Variants in APPL2 observed in about 807,000 individuals in gnomAD.
APPL2 encodes adaptor protein, phosphotyrosine interacting with PH domain and leucine zipper 2, also known as DCC-interacting protein 13-beta.
APPL2 carries 84 observed loss-of-function variants against 92.7 expected under a neutral mutation model. The ratio of observed to expected loss-of-function variants is 0.91; its 90% CI spans 0.76 to 1.09. The LOEUF (loss-of-function observed/expected upper bound fraction) is 1.09, where lower values mean the gene tolerates loss of function less well. APPL2 is among the 50% of genes least tolerant of loss of function. The pLI is 0.00. For missense variants in APPL2, 736 were observed against 824.5 expected (o/e 0.89, Z 1.31); for synonymous variants, 291 against 291.0 (o/e 1.00, Z 0.00).
At chr12:105,185,208 A>C (rs902511840) in intron 17 of APPL2, among the ~76,000 whole-genome samples, 1 of 152,146 alleles carries the variant, frequency 6.6e-6, no homozygotes, top group African/African-American at 2.4e-5. Flanking sequence ...TGGTGATGGG[A>C]TCCACTGAGC....
chr12:105,193,603 C>T (rs1887407533), intron 14 of APPL2, among the ~76,000 whole-genome samples: 1 of 152,224 alleles, frequency 6.6e-6, no homozygotes, highest in Non-Finnish European at 1.5e-5. Flanking sequence ...GTTCCACTTC[C>T]TTTCATATAG....
At chr12:105,197,178 C>CT (rs1302827539) in intron 11 of APPL2, among the ~76,000 whole-genome samples, 2 of 152,164 alleles carry the variant, frequency 1.3e-5, no homozygotes, top group Non-Finnish European at 2.9e-5. Flanking sequence ...AACCACCACT[C>CT]TGAGAGGGGA....
At chr12:105,195,124 C>T in intron 14 of APPL2, 137 bp downstream of exon 14, 2 of 819,008 alleles carry the variant, frequency 2.4e-6, no homozygotes, top group Non-Finnish European at 3.9e-6. Flanking sequence ...TTAACCTTTC[C>T]CAGCCATCGT....
At chr12:105,180,225 A>G (rs1406233583) in intron 17 of APPL2, among the ~76,000 whole-genome samples, 2 of 152,164 alleles carry the variant, frequency 1.3e-5, no homozygotes, top group African/African-American at 4.8e-5. Flanking sequence ...TCATTTATTA[A>G]ATAGGGAGTC....
rs1006762726 is a variant in APPL2 at position 105,197,499 on chromosome 12, CTG to C, written c.1052+264_1052+265del. 3.3e-5 allele frequency among the ~76,000 whole-genome samples: 5 copies of C among 152,232 alleles called. 1 individual carries two copies. The highest frequency in any genetic ancestry group is 1.2e-4 in the African/African-American group (5 of 41,452). Reference sequence around the variant, plus strand: ...ATGCTAACAAGCACGACTTCTGTTGCTGTCTCACACACGTAGGTCATCTCTTC... The same window carrying C: ...ATGCTAACAAGCACGACTTCTGTTGCTCTCACACACGTAGGTCATCTCTTC... On this transcript the variant is annotated intron_variant, in intron 11 of 20. Coordinates refer to ENST00000258530, the MANE Select transcript of APPL2 (RefSeq NM_018171.5).
chr12:105,187,389 C>G (rs1364317074), intron 17 of APPL2, among the ~76,000 whole-genome samples: 1 of 152,132 alleles, frequency 6.6e-6, no homozygotes, highest in East Asian at 1.9e-4. Context: ...GACATTTATT[C>G]CTCATGACAA....
In APPL2 at chr12:105,207,105, G is replaced by T. The variant is rs763671021; in HGVS notation, c.577C>A (p.Gln193Lys). ...ATCATGGGCTCCATCATGGCCATTT[G>T]CTTTCTGTACTGCAGCGCGTTGAGG... ...CALNALQYRK[Q>K]MAMMEPMIGF... The change falls in exon 8 of 21, where the codon CAA becomes AAA. Residue 193 changes from glutamine to lysine, a missense_variant. Transcript: ENST00000258530. 1.2e-6 allele frequency: 2 copies of T among 1,614,072 alleles called. No homozygotes were observed. The highest frequency in any genetic ancestry group is 2.7e-5 in the African/African-American group (2 of 74,940).
intron 17 of APPL2, among the ~76,000 whole-genome samples, chr12:105,178,651 A>C (rs1196861): frequency 0.88 from 134,035 of 152,224 alleles, 59,296 homozygotes; most frequent in East Asian, 1. Flanking sequence ...TACCCTGGCT[A>C]CTCACCTGAT....
In APPL2 at chr12:105,195,010, GAC is replaced by G. The variant is rs1295630104; in HGVS notation, c.1241+249_1241+250del. On this transcript the variant is annotated intron_variant, in intron 14 of 20. Coordinates refer to ENST00000258530, the MANE Select transcript of APPL2 (RefSeq NM_018171.5). ...CCTCCATGCACGTCCTGTTTGCTTG[GAC>G]TGCAGCAGCATGGTCCAGTGGAAAG... is the stretch of plus-strand genomic sequence containing the variant. Among the ~76,000 whole-genome samples, 754 of 152,272 alleles carry G rather than the reference GAC, an allele frequency of 5.0e-3. 3 individuals carry two copies. The highest frequency in any genetic ancestry group is 0.017 in the African/African-American group (696 of 41,536).
At chr12:105,177,865 A>G (rs886334967) in intron 17 of APPL2, among the ~76,000 whole-genome samples, 6 of 152,152 alleles carry the variant, frequency 3.9e-5, no homozygotes, top group Admixed American at 6.5e-5. Context: ...GTCTTGGCTC[A>G]CTGCAACCTC....
rs543081003 is a variant in APPL2 at position 105,174,987 on chromosome 12, G to A, written c.1861-539C>T. On this transcript the variant is annotated intron_variant, in intron 20 of 20. Coordinates refer to ENST00000258530, the MANE Select transcript of APPL2 (RefSeq NM_018171.5). ...CAACCTTCGCCTCCCCGGTTCAAAC[G>A]ATTCTTGTGCCTCAGTCTCCCGAGT... Among the ~76,000 whole-genome samples the A allele has an allele frequency of 5.9e-5, 9 of 151,384 alleles. No individual in the cohort carries two copies. In the South Asian group the frequency reaches 1.9e-3, roughly 32 times the overall value.
chr12:105,199,621 A>C (rs1592788416), intron 9 of APPL2, 90 bp from the exon 10 acceptor site: 2 of 1,424,396 alleles, frequency 1.4e-6, no homozygotes, highest in Admixed American at 4.2e-5. Flanking sequence ...CCACCCCCGC[A>C]AAGCTTCCGG....
At chr12:105,195,162 A>G (rs1887529554) in intron 14 of APPL2, 99 bp downstream of exon 14, 2 of 1,208,280 alleles carry the variant, frequency 1.7e-6, no homozygotes, top group Non-Finnish European at 2.4e-6. Context: ...AGGCTGAAAA[A>G]CATGCCTTGG....
At chr12:105,209,025 T>C (rs770717305) in intron 5 of APPL2, among the ~76,000 whole-genome samples, 6 of 152,230 alleles carry the variant, frequency 3.9e-5, no homozygotes, top group Non-Finnish European at 7.3e-5. Context: ...CATACTCTTT[T>C]GGTATCAGGC....
intron 17 of APPL2, among the ~76,000 whole-genome samples, chr12:105,186,656 CATATATATCAT>C (rs1566056284): frequency 2.1e-5 from 1 of 47,676 alleles, no homozygotes; most frequent in Non-Finnish European, 4.0e-5. Flanking sequence ...ATATCGATAT[CATATATATCAT>C]ATATATGATA....
At chr12:105,221,691 C>G (rs1890114551) in intron 2 of APPL2, among the ~76,000 whole-genome samples, 1 of 151,678 alleles carries the variant, frequency 6.6e-6, no homozygotes, top group Non-Finnish European at 1.5e-5. Flanking sequence ...CTGGGCCGCT[C>G]TGGCTGCCAT....
chr12:105,199,310 C>T (rs1341554011), intron 10 of APPL2, 63 bp downstream of exon 10: 1 of 1,563,528 alleles, frequency 6.4e-7, no homozygotes, highest in East Asian at 2.3e-5. Flanking sequence ...CGTAAGATTG[C>T]TTTTCAGCCA....
chr12:105,186,665 C>G (rs116312831), intron 17 of APPL2, among the ~76,000 whole-genome samples: 1,406 of 109,742 alleles, frequency 0.013, 17 homozygotes, highest in African/African-American at 0.017. Flanking sequence ...TCATATATAT[C>G]ATATATATGA....
intron 1 of APPL2, among the ~76,000 whole-genome samples, chr12:105,231,543 T>C (rs777018339): frequency 6.6e-6 from 1 of 152,210 alleles, no homozygotes; most frequent in Non-Finnish European, 1.5e-5. Flanking sequence ...ACTGTAGGAA[T>C]GTGGCAGGGC....
Sources: allele counts gnomAD v4.1 joint callset (sites outside exome capture counted in the v4.1 genomes callset), GRCh38; gene constraint gnomAD v4.1.1; transcripts MANE v1.5; gene names NCBI Gene and HGNC (gene_info 2026-07-23, HGNC 2026-07-21).